ATP11C: variants seen among roughly 807,000 people sequenced by gnomAD.
The protein encoded by ATP11C is phospholipid-transporting ATPase IG.
A neutral mutation model predicts 97.4 loss-of-function variants in ATP11C; 36 were observed. The ratio of observed to expected loss-of-function variants is 0.37; its 90% CI spans 0.28 to 0.49. The LOEUF (loss-of-function observed/expected upper bound fraction) is 0.49, where lower values mean the gene tolerates loss of function less well. Among genes scored for constraint, ATP11C ranks in the 20% least tolerant of loss-of-function variants. ATP11C has a pLI of 0.98. For synonymous variants in ATP11C, 275 were observed against 290.9 expected (o/e 0.95, Z 0.56); for missense variants, 730 against 824.6 (o/e 0.89, Z 1.40).
chrX:139,929,388 A>G (rs1353404091), intron 1 of ATP11C, among the ~76,000 whole-genome samples: 1 of 112,346 alleles, frequency 8.9e-6, no homozygotes, highest in Non-Finnish European at 1.9e-5. Flanking sequence ...AAAAAATACA[A>G]TGAATCACTA....
At chrX:139,818,714 A>G (rs1386502621) in intron 3 of ATP11C, among the ~76,000 whole-genome samples, 2 of 112,610 alleles carry the variant, frequency 1.8e-5, no homozygotes, top group South Asian at 3.6e-4. Context: ...TGCTTCATTT[A>G]AAAAATGAAA....
At chrX:139,891,603 G>GCACA (rs2148073068) in intron 1 of ATP11C, among the ~76,000 whole-genome samples, 1 of 111,555 alleles carries the variant, frequency 9.0e-6, no homozygotes, top group East Asian at 2.8e-4. Flanking sequence ...ACACATGCAT[G>GCACA]CACACATACT....
Position 139,798,704 on chromosome X carries a change from C to T in ATP11C, c.750G>A (p.Thr250=), listed in dbSNP as rs1344095581. The T allele has an allele frequency of 7.5e-6, 9 of 1,203,108 alleles. No individual in the cohort carries two copies. The highest frequency in any genetic ancestry group is 3.6e-5 in the South Asian group (2 of 55,983). ...CATATATCTTCTCGGTATTTTTTAG[C>T]GTAGCTCCTTTCAGCAAGAGATTTT... The part of the protein sequence containing the change: ...GPENLLLKGA[T]LKNTEKIYGV... The change falls in exon 9 of 30, where the codon ACG becomes ACA. Residue 250 remains threonine (T), a synonymous_variant. Transcript: ENST00000682941.
At position 139,888,374 on chromosome X, in the gene ATP11C, C is replaced by A. The variant is rs766684741; in HGVS notation, c.27+43642G>T. ...TCTCGAACTCCTGACCTCAAGTAATCTGCCCACCTTGGCCCCAAAGTGCTG... is the reference window on the plus strand; with the variant it reads ...TCTCGAACTCCTGACCTCAAGTAATATGCCCACCTTGGCCCCAAAGTGCTG... On this transcript the variant is annotated intron_variant, in intron 1 of 29. Transcript: ENST00000682941. Among the ~76,000 whole-genome samples the A allele has an allele frequency of 2.6e-3, 292 of 110,759 alleles. 1 individual carries two copies. The highest frequency in any genetic ancestry group is 3.3e-3 in the Non-Finnish European group (176 of 52,974).
chrX:139,842,878 AACAAAC>A (rs2147931825), intron 1 of ATP11C, among the ~76,000 whole-genome samples: 1 of 112,067 alleles, frequency 8.9e-6, no homozygotes, highest in Admixed American at 9.5e-5. Context: ...GAGCTACTCT[AACAAAC>A]CTTACTTTCC....
intron 12 of ATP11C, among the ~76,000 whole-genome samples, chrX:139,794,812 C>T (rs749863369): frequency 2.1e-4 from 24 of 111,822 alleles, no homozygotes; most frequent in African/African-American, 7.8e-4. Flanking sequence ...GTGTCATATT[C>T]GGAATGATGG....
At chrX:139,924,310 A>G in intron 1 of ATP11C, 1 of 351,066 alleles carries the variant, frequency 2.8e-6, no homozygotes, top group South Asian at 2.6e-5. Flanking sequence ...AAAAGGAATG[A>G]CCCATAATCT....
At chrX:139,737,833 A>T in intron 28 of ATP11C, 83 bp downstream of exon 28, 2 of 980,608 alleles carry the variant, frequency 2.0e-6, no homozygotes, top group South Asian at 4.0e-5. Context: ...AACTAATGTA[A>T]TTTTCTAAAT....
At chrX:139,862,431 CCT>C (rs1243841564) in intron 1 of ATP11C, among the ~76,000 whole-genome samples, 1 of 111,120 alleles carries the variant, frequency 9.0e-6, no homozygotes, top group African/African-American at 3.3e-5. Flanking sequence ...GGGACTGCGC[CCT>C]CTACCTGTGG....
At chrX:139,898,522 A>G (rs2084846035) in intron 1 of ATP11C, among the ~76,000 whole-genome samples, 1 of 111,580 alleles carries the variant, frequency 9.0e-6, no homozygotes, top group African/African-American at 3.3e-5. Context: ...AGGCAAACAG[A>G]GAAGGCTTGG....
At chrX:139,844,214 C>T (rs1051502630) in intron 1 of ATP11C, among the ~76,000 whole-genome samples, 2 of 111,844 alleles carry the variant, frequency 1.8e-5, no homozygotes, top group Admixed American at 9.5e-5. Context: ...TCATTCAAGA[C>T]TTCAATAAAA....
chrX:139,831,868 C>T (rs1217479464), intron 1 of ATP11C, among the ~76,000 whole-genome samples: 1 of 111,306 alleles, frequency 9.0e-6, no homozygotes, highest in East Asian at 2.8e-4. Flanking sequence ...GAAACTTAAC[C>T]AGCAAGTATA....
intron 1 of ATP11C, among the ~76,000 whole-genome samples, chrX:139,830,924 G>A (rs1803213761): frequency 9.0e-6 from 1 of 111,113 alleles, no homozygotes; most frequent in African/African-American, 3.3e-5. Context: ...GTGGGGGTAT[G>A]GGGAGGAGAT....
chrX:139,897,781 C>T lies in ATP11C; in HGVS notation c.27+34235G>A, dbSNP rs1422995521. ...TTAAGTGCATGTTAGAAGCCAGGGA[C>T]ATTTAGCCAGGCGTGGTGGCACGTG... On this transcript the variant is annotated intron_variant, in intron 1 of 29. Transcript: ENST00000682941. Among the ~76,000 whole-genome samples, 5 of 110,195 alleles carry T rather than the reference C, an allele frequency of 4.5e-5. No homozygotes were observed. The Admixed American group carries it at 4.8e-4, about 11-fold the overall frequency.
chrX:139,935,229 G>A (rs2085511675), upstream of ATP11C, among the ~76,000 whole-genome samples: 1 of 111,763 alleles, frequency 8.9e-6, no homozygotes, highest in Non-Finnish European at 1.9e-5. Context: ...CCATTGTCAT[G>A]TTACTGCAGC....
chrX:139,841,480 G>A (rs2083829354), intron 1 of ATP11C, among the ~76,000 whole-genome samples: 1 of 112,705 alleles, frequency 8.9e-6, no homozygotes, highest in Admixed American at 9.4e-5. Context: ...ATGATTGGTG[G>A]TACAAGGGCT....
intron 27 of ATP11C, among the ~76,000 whole-genome samples, chrX:139,738,792 A>G (rs1278218270): frequency 5.4e-5 from 6 of 110,225 alleles, no homozygotes; most frequent in Non-Finnish European, 1.1e-4. Context: ...AACCACAGAG[A>G]GCCTCAGTAG....
At chrX:139,752,399 T>C (rs984335010) in intron 23 of ATP11C, among the ~76,000 whole-genome samples, 1 of 111,677 alleles carries the variant, frequency 9.0e-6, no homozygotes, top group Non-Finnish European at 1.9e-5. Flanking sequence ...CAAGAAATAG[T>C]TGCCAAATGA....
At chrX:139,887,279 T>G (rs2084657913) in intron 1 of ATP11C, among the ~76,000 whole-genome samples, 2 of 111,926 alleles carry the variant, frequency 1.8e-5, no homozygotes, top group Admixed American at 9.5e-5. Context: ...CAAATATTCA[T>G]GATCCTGAGT....
Sources: gnomAD v4.1 joint callset for allele counts (sites outside exome capture counted in the v4.1 genomes callset) on GRCh38, gnomAD v4.1.1 for gene constraint, MANE v1.5 for transcripts, NCBI Gene and HGNC (gene_info 2026-07-23, HGNC 2026-07-21) for gene names.